UNC5C: variants seen among roughly 807,000 people sequenced by gnomAD.
UNC5C encodes netrin receptor UNC5C.
A neutral mutation model predicts 99.8 loss-of-function variants in UNC5C; 47 were observed. The observed-to-expected ratio is 0.47, with a 90% CI of 0.37 to 0.60. UNC5C has a LOEUF of 0.60. Among genes scored for constraint, UNC5C ranks in the 20% least tolerant of loss-of-function variants. The pLI, the probability that UNC5C is intolerant of heterozygous loss-of-function variation, is 0.00. For synonymous variants in UNC5C, 487 were observed against 452.2 expected (o/e 1.08, Z -0.98); for missense variants, 1,062 against 1,165.9 (o/e 0.91, Z 1.30).
At chr4:95,496,154 C>A (rs1055588796) in intron 1 of UNC5C, among the ~76,000 whole-genome samples, 24 of 151,830 alleles carry the variant, frequency 1.6e-4, no homozygotes, top group Non-Finnish European at 3.2e-4. Context: ...ATTAACTTAG[C>A]AACAAGAAGA....
chr4:95,524,395 T>G (rs1003622096), intron 1 of UNC5C, among the ~76,000 whole-genome samples: 1 of 152,224 alleles, frequency 6.6e-6, no homozygotes, highest in African/African-American at 2.4e-5. Flanking sequence ...TTATTATTGC[T>G]GCTGTTAGGG....
chr4:95,220,205 G>A (rs777874941), intron 7 of UNC5C, 29 bp from the exon 8 acceptor site: 2 of 1,587,220 alleles, frequency 1.3e-6, no homozygotes, highest in Admixed American at 1.8e-5. Context: ...CATTGAACCA[G>A]CTGCTTATAG....
chr4:95,339,087 T>C (rs1334834196), intron 1 of UNC5C, among the ~76,000 whole-genome samples: 1 of 152,122 alleles, frequency 6.6e-6, no homozygotes, highest in Non-Finnish European at 1.5e-5. Flanking sequence ...TTACTGGATA[T>C]TCATTTTGGA....
intron 1 of UNC5C, among the ~76,000 whole-genome samples, chr4:95,533,286 C>T (rs756664816): frequency 4.6e-5 from 7 of 151,708 alleles, no homozygotes; most frequent in Non-Finnish European, 8.8e-5. Flanking sequence ...GTAATGCCAG[C>T]GACTTGGGAG....
At chr4:95,505,452 T>C (rs938054165) in intron 1 of UNC5C, among the ~76,000 whole-genome samples, 1 of 152,148 alleles carries the variant, frequency 6.6e-6, no homozygotes, top group African/African-American at 2.4e-5. Context: ...GCTTTAGAAA[T>C]GGAGCTATTC....
chr4:95,248,605 T>A, intron 5 of UNC5C: 1 of 451,372 alleles, frequency 2.2e-6, no homozygotes, highest in Non-Finnish European at 4.4e-6. Flanking sequence ...GAGCCCGCTG[T>A]TTCTCAAGGA....
At chr4:95,472,728 A>T (rs1334864648) in intron 1 of UNC5C, among the ~76,000 whole-genome samples, 1 of 152,106 alleles carries the variant, frequency 6.6e-6, no homozygotes, top group Non-Finnish European at 1.5e-5. Context: ...CATGCCAAAC[A>T]GATAATCTGA....
At chr4:95,399,166 A>G (rs1342034963) in intron 1 of UNC5C, among the ~76,000 whole-genome samples, 2 of 152,200 alleles carry the variant, frequency 1.3e-5, no homozygotes, top group African/African-American at 4.8e-5. Context: ...TCCCTAAAAT[A>G]AAAATGCAAT....
intron 2 of UNC5C, among the ~76,000 whole-genome samples, chr4:95,306,012 A>C (rs1401862832): frequency 6.6e-6 from 1 of 152,182 alleles, no homozygotes; most frequent in African/African-American, 2.4e-5. Context: ...GCACAAATAC[A>C]TGCTTAATCC....
chr4:95,295,295 T>C (rs1000914795), intron 3 of UNC5C, among the ~76,000 whole-genome samples: 6 of 152,146 alleles, frequency 3.9e-5, no homozygotes, highest in African/African-American at 1.4e-4. Context: ...CAACTTGAAT[T>C]CTCTCAGAAT....
chr4:95,325,055 G>A (rs1293104739), intron 2 of UNC5C, among the ~76,000 whole-genome samples: 2 of 152,116 alleles, frequency 1.3e-5, no homozygotes, highest in African/African-American at 4.8e-5. Flanking sequence ...ATAAGACACT[G>A]GTGGTTTGTT....
chr4:95,460,660 T>C (rs1747574805), intron 1 of UNC5C, among the ~76,000 whole-genome samples: 1 of 152,198 alleles, frequency 6.6e-6, no homozygotes, highest in Non-Finnish European at 1.5e-5. Flanking sequence ...GAACTGTAAG[T>C]CCATTAAACG....
intron 1 of UNC5C, among the ~76,000 whole-genome samples, chr4:95,414,296 A>G (rs1033270468): frequency 2.0e-5 from 3 of 152,036 alleles, no homozygotes; most frequent in African/African-American, 7.2e-5. Flanking sequence ...ATGGAGGGTC[A>G]TACTGACGAA....
chr4:95,360,249 C>G (rs1157914022), intron 1 of UNC5C, among the ~76,000 whole-genome samples: 1 of 152,048 alleles, frequency 6.6e-6, no homozygotes, highest in East Asian at 1.9e-4. Context: ...GCATTACTTT[C>G]TAATTTATTT....
chr4:95,316,227 T>C (rs1406723530), intron 2 of UNC5C, among the ~76,000 whole-genome samples: 1 of 152,210 alleles, frequency 6.6e-6, no homozygotes, highest in African/African-American at 2.4e-5. Flanking sequence ...GAGCCTGGTT[T>C]ATTACTCTTA....
intron 1 of UNC5C, among the ~76,000 whole-genome samples, chr4:95,409,627 T>G (rs934161729): frequency 1.0e-3 from 153 of 152,266 alleles, no homozygotes; most frequent in African/African-American, 3.6e-3. Flanking sequence ...GTGGGCACAA[T>G]TTTTTGGTAC....
chr4:95,276,579 T>A (rs1740868569), intron 4 of UNC5C, among the ~76,000 whole-genome samples: 1 of 152,200 alleles, frequency 6.6e-6, no homozygotes, highest in African/African-American at 2.4e-5. Context: ...ATGTTGCTCA[T>A]GATCTGTTTT....
intron 7 of UNC5C, among the ~76,000 whole-genome samples, chr4:95,235,650 T>G (rs549664934): frequency 2.0e-5 from 3 of 152,326 alleles, no homozygotes; most frequent in South Asian, 2.1e-4. Flanking sequence ...CATCTTGAAT[T>G]AATTTTTGTA....
chr4:95,327,624 G>A (rs1485883656), intron 2 of UNC5C, among the ~76,000 whole-genome samples: 1 of 151,916 alleles, frequency 6.6e-6, no homozygotes, highest in East Asian at 1.9e-4. Flanking sequence ...CTTCATATCT[G>A]GAGCAACCTC....
Sources: gnomAD v4.1 joint callset for allele counts (sites outside exome capture counted in the v4.1 genomes callset) on GRCh38, gnomAD v4.1.1 for gene constraint, MANE v1.5 for transcripts, NCBI Gene and HGNC (gene_info 2026-07-23, HGNC 2026-07-21) for gene names.